TANC2: variants seen among roughly 807,000 people sequenced by gnomAD.
TANC2 encodes tetratricopeptide repeat, ankyrin repeat and coiled-coil containing 2.
Under a neutral mutation model 210.5 loss-of-function variants are expected in TANC2, and 26 were observed. The ratio of observed to expected loss-of-function variants is 0.12; its 90% confidence interval spans 0.09 to 0.17. The LOEUF (loss-of-function observed/expected upper bound fraction) is 0.17. Ranked by LOEUF, TANC2 falls within the 10% of genes least tolerant of loss-of-function variation. The pLI is 1.00. For missense variants in TANC2, 2,129 were observed against 2,608.9 expected, an observed-to-expected ratio of 0.82 and a Z score of 4.01; for synonymous variants, 931 against 967.1, an observed-to-expected ratio of 0.96 and a Z score of 0.69.
intron 4 of TANC2, among the ~76,000 whole-genome samples, chr17:63,123,988 A>G (rs1238103810): frequency 6.6e-6 from 1 of 152,180 alleles, no homozygotes; most frequent in African/African-American, 2.4e-5. Flanking sequence ...GGCATGAGCC[A>G]CAGCGCCCGG....
At chr17:63,167,458 T>G (rs954074410) in intron 5 of TANC2, among the ~76,000 whole-genome samples, 1 of 152,340 alleles carries the variant, frequency 6.6e-6, no homozygotes, top group Admixed American at 6.5e-5. Context: ...TTTTGTTTTC[T>G]AACTTAGTTT....
intron 14 of TANC2, among the ~76,000 whole-genome samples, chr17:63,374,878 T>TG (rs1276659410): frequency 1.3e-5 from 2 of 152,188 alleles, no homozygotes; most frequent in Non-Finnish European, 2.9e-5. Context: ...TGTAGATTAT[T>TG]GGGATGGCCA....
chr17:63,227,726 T>C (rs886374570), intron 7 of TANC2, among the ~76,000 whole-genome samples: 4 of 152,194 alleles, frequency 2.6e-5, no homozygotes, highest in African/African-American at 9.7e-5. Flanking sequence ...ATTCTAGGGT[T>C]TTTATTGTTT....
chr17:63,119,195 A>AG (rs2038368068), intron 4 of TANC2, among the ~76,000 whole-genome samples: 1 of 152,196 alleles, frequency 6.6e-6, no homozygotes, highest in African/African-American at 2.4e-5. Context: ...AAGTGCTGGG[A>AG]TTACAGGTAT....
chr17:63,201,847 A>T (rs537492468), intron 7 of TANC2, among the ~76,000 whole-genome samples: 2 of 152,170 alleles, frequency 1.3e-5, no homozygotes, highest in Admixed American at 1.3e-4. Flanking sequence ...TGTTCAGGAG[A>T]TAGGCCATCA....
chr17:63,279,620 C>T (rs2043999989), intron 9 of TANC2, among the ~76,000 whole-genome samples: 2 of 151,962 alleles, frequency 1.3e-5, no homozygotes, highest in Non-Finnish European at 2.9e-5. Flanking sequence ...TCCTGAAACC[C>T]CATGCTTTTA....
chr17:63,164,790 C>T (rs1219594570), intron 5 of TANC2, among the ~76,000 whole-genome samples: 1 of 152,082 alleles, frequency 6.6e-6, no homozygotes, highest in Non-Finnish European at 1.5e-5. Flanking sequence ...GCAAATTCAC[C>T]CTTCCTCTAC....
At chr17:63,012,414 A>G (rs1023495000) in intron 2 of TANC2, among the ~76,000 whole-genome samples, 1 of 152,122 alleles carries the variant, frequency 6.6e-6, no homozygotes, top group African/African-American at 2.4e-5. Context: ...AAAGATTAAA[A>G]CAATACTTAG....
chr17:63,163,034 A>G (rs1348301305), intron 5 of TANC2, among the ~76,000 whole-genome samples: 1 of 151,782 alleles, frequency 6.6e-6, no homozygotes, highest in East Asian at 1.9e-4. Flanking sequence ...TGAGAAGATT[A>G]AAGAGGATCA....
At chr17:63,397,578 A>T (rs564724257) in intron 18 of TANC2, among the ~76,000 whole-genome samples, 1 of 152,342 alleles carries the variant, frequency 6.6e-6, no homozygotes, top group South Asian at 2.1e-4. Flanking sequence ...GCCCTGATTT[A>T]TAATGTTTGC....
rs1383056376 is a variant in TANC2, at chr17:63,418,340, G to T, written c.4201G>T (p.Ala1401Ser). ...AATGGCGGAGGAATTTGCTACTAAG[G>T]CCCTGGAGCTGAAACCGAAATCTTA... Residue 1401 changes from alanine (A) to serine (S), a missense_variant, in exon 27 of 28, where the codon GCC becomes TCC. Physicochemically the swap from Ala to Ser is moderately conservative, Grantham distance 99 (BLOSUM62 1). This residue lies in a region of TANC2 where 644 missense variants were observed against 937.5 expected (regional missense o/e 0.69). Transcript: ENST00000689528. The surrounding 1 kb of genome is among the most constrained non-coding windows in gnomAD (Gnocchi z 4.6). The T allele has an allele frequency of 1.2e-6, 2 of 1,613,478 alleles. No homozygotes were observed. Among genetic ancestry groups the T allele is most frequent in the South Asian group, 2.2e-5 (2 of 90,772 alleles).
At chr17:63,176,460 A>G (rs1312003407) in intron 5 of TANC2, among the ~76,000 whole-genome samples, 2 of 152,204 alleles carry the variant, frequency 1.3e-5, no homozygotes, top group Non-Finnish European at 2.9e-5. Context: ...TATATAACCT[A>G]TTTAATTACT....
At chr17:63,053,005 G>A (rs1429884912) in intron 2 of TANC2, among the ~76,000 whole-genome samples, 1 of 152,224 alleles carries the variant, frequency 6.6e-6, no homozygotes, top group Non-Finnish European at 1.5e-5. Context: ...GCTCGCAAGA[G>A]TGTGCTGACC....
At chr17:63,343,796 T>G (rs964195802) in intron 12 of TANC2, among the ~76,000 whole-genome samples, 3 of 152,070 alleles carry the variant, frequency 2.0e-5, no homozygotes, top group African/African-American at 7.2e-5. Flanking sequence ...CTCAGGAGGC[T>G]GAGGCAGGAG....
chr17:63,427,598 A>C (rs1271827703), exon 28 of TANC2: 1 of 152,274 alleles, frequency 6.6e-6, no homozygotes, highest in Non-Finnish European at 1.5e-5. Flanking sequence ...TGAAAAGTTC[A>C]AATGAATGCA....
intron 1 of TANC2, among the ~76,000 whole-genome samples, chr17:62,985,231 C>T (rs974948832): frequency 2.0e-5 from 3 of 152,100 alleles, no homozygotes; most frequent in Non-Finnish European, 4.4e-5. Flanking sequence ...GAGGTTTCTT[C>T]TGAGAAATCT....
Position 63,418,479 on chromosome 17 carries a change from C to A in TANC2, c.4268+72C>A. The A allele has an allele frequency of 7.3e-7, 1 of 1,369,652 alleles. No individual in the cohort carries two copies. Among genetic ancestry groups the A allele is most frequent in the Non-Finnish European group, 1.0e-6 (1 of 988,922 alleles). 84.8% of individuals were successfully genotyped at this position (1,369,652 alleles called of 1,614,324 possible). A position where few individuals can be genotyped will look rare whatever the true frequency, so the allele number is the denominator to read the frequency against. ...AATTTGGCCAAGGCAGCGTCGGCCACCCTGGGGCATATGTACCCAAATACA... is the reference window on the plus strand; with the variant it reads ...AATTTGGCCAAGGCAGCGTCGGCCAACCTGGGGCATATGTACCCAAATACA... On this transcript the variant is annotated intron_variant, in intron 27 of 27. Coordinates refer to ENST00000689528, the Ensembl canonical transcript of TANC2. The surrounding 1 kb of genome is among the most constrained non-coding windows in gnomAD (Gnocchi z 4.6).
chr17:63,318,466 A>G (rs773109788), intron 10 of TANC2, among the ~76,000 whole-genome samples: 8 of 152,210 alleles, frequency 5.3e-5, no homozygotes, highest in Non-Finnish European at 1.2e-4. Context: ...AAAGAAGCTC[A>G]TGCCTGTTAG....
intron 1 of TANC2, among the ~76,000 whole-genome samples, chr17:62,972,121 A>G (rs1249905168): frequency 2.0e-5 from 3 of 152,152 alleles, no homozygotes; most frequent in Non-Finnish European, 4.4e-5. Context: ...GGGTCAAAGT[A>G]ACTATAATAC....
Sources: allele counts gnomAD v4.1 joint callset (sites outside exome capture counted in the v4.1 genomes callset), GRCh38; gene constraint gnomAD v4.1.1; regional missense constraint gnomAD v4.1.1; non-coding constraint Gnocchi (gnomAD v3.1); transcripts MANE v1.5; gene names NCBI Gene and HGNC (gene_info 2026-07-23, HGNC 2026-07-21).